SENP2: variants seen among roughly 807,000 people sequenced by gnomAD.
SENP2 encodes the protein sentrin-specific protease 2.
SENP2 carries 16 observed loss-of-function variants against 86.3 expected under a neutral mutation model. That is an observed-to-expected ratio of 0.19 (90% CI 0.13 to 0.28). SENP2 has a LOEUF of 0.28. SENP2 is among the 10% of genes least tolerant of loss of function. The pLI, the probability that SENP2 is intolerant of heterozygous loss-of-function variation, is 1.00. For missense variants in SENP2, 552 were observed against 703.0 expected (o/e 0.79, Z 2.43); for synonymous variants, 222 against 238.7 (o/e 0.93, Z 0.64).
At chr3:185,604,794 C>G (rs928279910) in intron 5 of SENP2, among the ~76,000 whole-genome samples, 9 of 150,962 alleles carry the variant, frequency 6.0e-5, no homozygotes, top group Non-Finnish European at 2.9e-5. Flanking sequence ...CTTGCTCTGT[C>G]TCCCAGGCTG....
At chr3:185,614,504 CTG>C (rs1711528122) in intron 10 of SENP2, 58 bp from the exon 11 acceptor site, 1 of 1,441,076 alleles carries the variant, frequency 6.9e-7, no homozygotes, top group Admixed American at 2.2e-5. Flanking sequence ...CATGTGTAAT[CTG>C]TGTTTATATT....
chr3:185,599,563 T>C (rs1722277515), intron 4 of SENP2, among the ~76,000 whole-genome samples: 1 of 152,022 alleles, frequency 6.6e-6, no homozygotes, highest in South Asian at 2.1e-4. Context: ...GAAATAGTTG[T>C]GATGTCTGCC....
chr3:185,633,220 C>G lies in SENP2; in HGVS notation c.*3376C>G, dbSNP rs954432570. The G allele has an allele frequency of 1.3e-5, 2 of 152,174 alleles. No homozygotes were observed. Among genetic ancestry groups the G allele is most frequent in the Non-Finnish European group, 2.9e-5 (2 of 68,048 alleles). The allele number at this position is 152,174 out of a possible 1,614,324, so 9.4% of individuals were successfully genotyped here. A position where few individuals can be genotyped will look rare whatever the true frequency, so the allele number is the denominator to read the frequency against. ...GTATCCTAGTAGAAACAGTGAACCT[C>G]AGATATGAATAAATAAGCAAGAGAC... On this transcript the variant is annotated 3_prime_UTR_variant, in exon 17 of 17. Transcript: ENST00000296257.
At chr3:185,606,553 A>T in intron 6 of SENP2, 55 bp downstream of exon 6, 1 of 1,432,794 alleles carries the variant, frequency 7.0e-7, no homozygotes, top group South Asian at 1.4e-5. Flanking sequence ...CTTCCCAAGG[A>T]TGCTGCCTAG....
intron 5 of SENP2, among the ~76,000 whole-genome samples, chr3:185,603,901 C>A (rs978166228): frequency 6.6e-6 from 1 of 152,134 alleles, no homozygotes; most frequent in Non-Finnish European, 1.5e-5. Context: ...GTGGGCAGAT[C>A]ACTTGAGGCC....
Position 185,626,181 on chromosome 3 carries a change from C to G in SENP2, c.1612-117C>G, listed in dbSNP as rs1381844063. 9 of 645,458 alleles carry G rather than the reference C, an allele frequency of 1.4e-5. No individual in the cohort carries two copies. In the East Asian group the frequency reaches 2.2e-4, roughly 16 times the overall value. The allele number at this position is 645,458 out of a possible 1,614,324, so 40.0% of individuals were successfully genotyped here. A position where few individuals can be genotyped will look rare whatever the true frequency, so the allele number is the denominator to read the frequency against. On this transcript the variant is annotated intron_variant, in intron 15 of 16. Coordinates refer to ENST00000296257, the MANE Select transcript of SENP2 (RefSeq NM_021627.3). Reference sequence around the variant, plus strand: ...ATATGACTGTGTGTTTAGGTAATACCTGATTTAATATTTACCTTTATAATA... The same window carrying G: ...ATATGACTGTGTGTTTAGGTAATACGTGATTTAATATTTACCTTTATAATA...
Position 185,586,305 on chromosome 3 carries a change from G to T in SENP2, c.-109G>T, listed in dbSNP as rs1721777104. ...CTCTTGAATCGCGTCACAAATCAGC[G>T]ACCGAACTCTGGCGGTGGTGGTTAA... On this transcript the variant is annotated 5_prime_UTR_variant, in exon 1 of 17. Transcript: ENST00000296257. The surrounding 1 kb of genome is among the most constrained non-coding windows in gnomAD (Gnocchi z 4.3). 6 of 1,565,842 alleles carry T rather than the reference G, an allele frequency of 3.8e-6. No individual in the cohort carries two copies. In the South Asian group the frequency reaches 5.8e-5, roughly 15 times the overall value.
At chr3:185,624,409 T>C (rs1712045205) in intron 15 of SENP2, among the ~76,000 whole-genome samples, 1 of 152,182 alleles carries the variant, frequency 6.6e-6, no homozygotes, top group Non-Finnish European at 1.5e-5. Flanking sequence ...TGTCTAAATG[T>C]AAATATTAAC....
At chr3:185,606,759 T>C in intron 6 of SENP2, 1 of 521,390 alleles carries the variant, frequency 1.9e-6, no homozygotes, top group South Asian at 1.9e-5. Flanking sequence ...TAGCAAGGCC[T>C]ATAGCGGCCA....
chr3:185,621,365 G>C (rs1577741985), intron 13 of SENP2, among the ~76,000 whole-genome samples: 1 of 142,966 alleles, frequency 7.0e-6, no homozygotes, highest in African/African-American at 2.6e-5. Flanking sequence ...AATATAAGTG[G>C]ATATCGTTTT....
intron 5 of SENP2, among the ~76,000 whole-genome samples, chr3:185,605,109 G>A (rs1487476684): frequency 1.3e-5 from 2 of 150,682 alleles, no homozygotes; most frequent in Non-Finnish European, 3.0e-5. Flanking sequence ...GGTGGCTCAC[G>A]CCTGTATCCC....
chr3:185,614,326 G>A (rs921010695), intron 10 of SENP2, among the ~76,000 whole-genome samples: 1 of 152,212 alleles, frequency 6.6e-6, no homozygotes, highest in African/African-American at 2.4e-5. Flanking sequence ...TACTTCCAGG[G>A]AAGGTGGTGA....
At position 185,592,011 on chromosome 3, in the gene SENP2, C is replaced by CTTTTTTTTTTTTTTTTTTTT. The variant is rs149268515; in HGVS notation, c.157+1846_157+1865dup. On this transcript the variant is annotated intron_variant, in intron 2 of 16. Transcript: ENST00000296257. ...CTGTCTTTAAGAACCGGTAATATTT[C>CTTTTTTTTTTTTTTTTTTTT]TTTTTTTTTTTTTTTTTTTTTTTGA... 8.5e-4 allele frequency among the ~76,000 whole-genome samples: 56 copies of CTTTTTTTTTTTTTTTTTTTT among 65,794 alleles called. 9 individuals carry two copies. The highest frequency in any genetic ancestry group is 1.2e-3 in the Non-Finnish European group (44 of 36,698). The allele number at this position is 65,794 out of a possible 152,430, so 43.2% of individuals were successfully genotyped here. A position where few individuals can be genotyped will look rare whatever the true frequency, so the allele number is the denominator to read the frequency against.
chr3:185,610,691 C>T (rs944354800), intron 7 of SENP2, among the ~76,000 whole-genome samples: 1 of 152,176 alleles, frequency 6.6e-6, no homozygotes, highest in African/African-American at 2.4e-5. Context: ...GGCACAGTGG[C>T]TCACACCTGT....
Position 185,629,862 on chromosome 3 carries a change from C to T in SENP2, c.*18C>T. 6.2e-7 allele frequency: 1 copy of T among 1,612,604 alleles called. No homozygotes were observed. Among genetic ancestry groups the T allele is most frequent in the Non-Finnish European group, 8.5e-7 (1 of 1,178,734 alleles). On this transcript the variant is annotated 3_prime_UTR_variant, in exon 17 of 17. Transcript: ENST00000296257. Reference sequence around the variant, plus strand: ...TGCTGTGAGAAAACTTTGCCTGGTCCCTCTAGCTGCTGGTGGTTCTTTCAC... The same window carrying T: ...TGCTGTGAGAAAACTTTGCCTGGTCTCTCTAGCTGCTGGTGGTTCTTTCAC...
chr3:185,587,570 A>ATTTTTTTTTTTTTTTTTTT lies in SENP2; in HGVS notation c.101+1070_101+1071insTTTTTTTTTTTTTTTTTTT, dbSNP rs398052522. Among the ~76,000 whole-genome samples the ATTTTTTTTTTTTTTTTTTT allele has an allele frequency of 4.7e-3, 560 of 118,730 alleles. 65 individuals are homozygous for ATTTTTTTTTTTTTTTTTTT. Among genetic ancestry groups the ATTTTTTTTTTTTTTTTTTT allele is most frequent in the African/African-American group, 0.01 (320 of 31,672 alleles). 77.9% of individuals were successfully genotyped at this position (118,730 alleles called of 152,430 possible). A position where few individuals can be genotyped will look rare whatever the true frequency, so the allele number is the denominator to read the frequency against. On this transcript the variant is annotated intron_variant, in intron 1 of 16. Coordinates refer to ENST00000296257, the MANE Select transcript of SENP2 (RefSeq NM_021627.3). ...CTTCAACTTTAGTGATCAAGTGTTA[A>ATTTTTTTTTTTTTTTTTTT]TTTTTTTTTTTTTTGAGAAGGAGTC...
intron 10 of SENP2, 34 bp downstream of exon 10, chr3:185,613,442 T>C (rs766222639): frequency 7.7e-7 from 1 of 1,299,498 alleles, no homozygotes; most frequent in South Asian, 1.2e-5. Context: ...TTGATACCTG[T>C]TTACTTATGT....
At chr3:185,602,216 C>T (rs1310821629) in intron 5 of SENP2, among the ~76,000 whole-genome samples, 1 of 152,044 alleles carries the variant, frequency 6.6e-6, no homozygotes, top group East Asian at 1.9e-4. Context: ...CTTGGTACTC[C>T]TTGGCTATCC....
intron 2 of SENP2, among the ~76,000 whole-genome samples, chr3:185,594,723 G>A (rs980583548): frequency 1.3e-5 from 2 of 151,490 alleles, no homozygotes; most frequent in East Asian, 1.9e-4. Flanking sequence ...AGGTTCAAGC[G>A]ATTCTCCTGC....
Sources: gnomAD v4.1 joint callset for allele counts (sites outside exome capture counted in the v4.1 genomes callset) on GRCh38, gnomAD v4.1.1 for gene constraint, Gnocchi (gnomAD v3.1) non-coding constraint, MANE v1.5 for transcripts, NCBI Gene and HGNC (gene_info 2026-07-23, HGNC 2026-07-21) for gene names.